The following PPP6R2 variants were observed in gnomAD, a reference collection of about 807,000 sequenced individuals.
PPP6R2 encodes protein phosphatase 6 regulatory subunit 2, also known as serine/threonine-protein phosphatase 6 regulatory subunit 2.
A neutral mutation model predicts 100.2 loss-of-function variants in PPP6R2; 62 were observed. That is an observed-to-expected ratio of 0.62 (90% CI 0.50 to 0.76). The LOEUF (loss-of-function observed/expected upper bound fraction) is 0.76. PPP6R2 is among the 30% of genes least tolerant of loss of function. The probability of loss-of-function intolerance (pLI) is 0.00; values close to 1 mark genes in which losing one functional copy is unlikely to be tolerated. For missense variants in PPP6R2, 1,142 were observed against 1,276.3 expected (o/e 0.89, Z 1.60); for synonymous variants, 525 against 514.7 (o/e 1.02, Z -0.27).
At chr22:50,373,259 T>TG (rs2050690049) in intron 2 of PPP6R2, among the ~76,000 whole-genome samples, 1 of 148,804 alleles carries the variant, frequency 6.7e-6, no homozygotes, top group African/African-American at 2.5e-5. Context: ...TTTTTTTTTT[T>TG]GAGACAGAGT....
At chr22:50,435,186 C>T in intron 13 of PPP6R2, 105 bp downstream of exon 13, 1 of 936,984 alleles carries the variant, frequency 1.1e-6, no homozygotes. Flanking sequence ...GCTGACTGCA[C>T]TGACAGTGAG....
At chr22:50,340,548 CGTGT>C (rs2042361562), upstream of PPP6R2, among the ~76,000 whole-genome samples, 1 of 68,676 alleles carries the variant, frequency 1.5e-5, no homozygotes, top group African/African-American at 6.2e-5. Flanking sequence ...GTGTGTGTCG[CGTGT>C]GTGTGGTATG....
intron 1 of PPP6R2, among the ~76,000 whole-genome samples, chr22:50,369,170 G>A (rs576174171): frequency 1.3e-4 from 20 of 151,908 alleles, no homozygotes; most frequent in South Asian, 4.2e-4. Flanking sequence ...CCTAGGAGGC[G>A]GAGGTTGTGG....
chr22:50,390,573 C>T (rs529126246), intron 2 of PPP6R2, among the ~76,000 whole-genome samples: 5 of 152,134 alleles, frequency 3.3e-5, no homozygotes, highest in African/African-American at 7.2e-5. Flanking sequence ...GCAGGAGAAT[C>T]GCTTGAACTC....
chr22:50,356,129 A>AT (rs1260069890), intron 1 of PPP6R2, among the ~76,000 whole-genome samples: 1 of 146,942 alleles, frequency 6.8e-6, no homozygotes, highest in Non-Finnish European at 1.5e-5. Flanking sequence ...CGCCCGGCTA[A>AT]TTTTTTCTAT....
At chr22:50,340,117 T>G (rs1332686976), upstream of PPP6R2, among the ~76,000 whole-genome samples, 3 of 139,680 alleles carry the variant, frequency 2.1e-5, no homozygotes, top group Non-Finnish European at 1.6e-5. Flanking sequence ...ATGTGGTGTG[T>G]GTACAGTGTG....
chr22:50,339,075 TA>T (rs2042338286), upstream of PPP6R2, among the ~76,000 whole-genome samples: 1 of 128,098 alleles, frequency 7.8e-6, no homozygotes, highest in African/African-American at 3.2e-5. Flanking sequence ...GTGTATGTGG[TA>T]TGTGGTGTGT....
chr22:50,418,103 T>A (rs1033032781), intron 6 of PPP6R2, among the ~76,000 whole-genome samples: 2 of 152,234 alleles, frequency 1.3e-5, no homozygotes, highest in African/African-American at 4.8e-5. Context: ...TAATAGCAGC[T>A]ACTTATTACC....
At chr22:50,352,736 A>C (rs1569261043) in intron 1 of PPP6R2, among the ~76,000 whole-genome samples, 1 of 118,184 alleles carries the variant, frequency 8.5e-6, no homozygotes, top group Non-Finnish European at 1.8e-5. Flanking sequence ...AACAAAAACA[A>C]AAACAAAAAA....
chr22:50,427,564 T>C (rs1016212149), intron 10 of PPP6R2, among the ~76,000 whole-genome samples: 3 of 152,194 alleles, frequency 2.0e-5, no homozygotes, highest in African/African-American at 7.2e-5. Context: ...TATTTATTTC[T>C]ATTTTTGAGA....
At position 50,443,731 on chromosome 22, in the gene PPP6R2, G is replaced by A. The variant is rs374459862; in HGVS notation, c.2580-135G>A. 7.6e-5 allele frequency: 98 copies of A among 1,282,452 alleles called. 2 individuals carry two copies. Among genetic ancestry groups the A allele is most frequent in the South Asian group, 3.2e-4 (22 of 68,630 alleles). 79.4% of individuals were successfully genotyped at this position (1,282,452 alleles called of 1,614,324 possible). ...GGCACAACCTGGGCCACCCCACAAA[G>A]GGCAGGAGTGAGAGGGGCCAAAGAT... On this transcript the variant is annotated intron_variant, in intron 22 of 23. Coordinates refer to ENST00000612753, the MANE Select transcript of PPP6R2 (RefSeq NM_001242898.2).
At chr22:50,369,310 C>A (rs2049467346) in intron 1 of PPP6R2, among the ~76,000 whole-genome samples, 1 of 151,646 alleles carries the variant, frequency 6.6e-6, no homozygotes, top group Admixed American at 6.6e-5. Flanking sequence ...GGCTGAAAGC[C>A]TATTTTGAGT....
At chr22:50,416,705 G>A (rs983755337) in intron 6 of PPP6R2, among the ~76,000 whole-genome samples, 3 of 151,854 alleles carry the variant, frequency 2.0e-5, no homozygotes, top group Non-Finnish European at 4.4e-5. Context: ...GCTCATGCCT[G>A]TAATCCCAGC....
At position 50,385,015 on chromosome 22, in the gene PPP6R2, C is replaced by T. The variant is rs75091994; in HGVS notation, c.-16-8878C>T. On this transcript the variant is annotated intron_variant, in intron 2 of 23. Coordinates refer to ENST00000612753, the MANE Select transcript of PPP6R2 (RefSeq NM_001242898.2). ...CTCCTGCCTTTAGCCTTCCATAGTT[C>T]TGGGATCACAGGCCTGAGCTACTGT... Among the ~76,000 whole-genome samples the T allele has an allele frequency of 6.3e-3, 961 of 152,176 alleles. 5 individuals are homozygous for T. The highest frequency in any genetic ancestry group is 0.028 in the South Asian group (133 of 4,820).
At chr22:50,349,815 TAAA>T (rs1285843500) in intron 1 of PPP6R2, among the ~76,000 whole-genome samples, 1 of 115,444 alleles carries the variant, frequency 8.7e-6, no homozygotes, top group Admixed American at 9.2e-5. Context: ...AACTCCATCT[TAAA>T]AAAAAAAAAA....
intron 1 of PPP6R2, among the ~76,000 whole-genome samples, chr22:50,361,709 T>C (rs1015978559): frequency 1.3e-5 from 2 of 152,136 alleles, no homozygotes; most frequent in Non-Finnish European, 2.9e-5. Context: ...GCCCTGCTCG[T>C]CTGCCTTTGA....
chr22:50,399,710 C>A (rs767868841), intron 3 of PPP6R2, among the ~76,000 whole-genome samples: 4 of 152,280 alleles, frequency 2.6e-5, no homozygotes, highest in Non-Finnish European at 5.9e-5. Context: ...GTGAGGCCCA[C>A]ACGCTGCCTC....
chr22:50,368,900 T>C (rs2049344061), intron 1 of PPP6R2, among the ~76,000 whole-genome samples: 1 of 152,164 alleles, frequency 6.6e-6, no homozygotes, highest in African/African-American at 2.4e-5. Flanking sequence ...AGATGCATGC[T>C]ACAAAATCAT....
rs1302590257 is a variant in PPP6R2 at position 50,431,663 on chromosome 22, G to C, written c.1335+281G>C. 6.6e-6 allele frequency among the ~76,000 whole-genome samples: 1 copy of C among 152,288 alleles called. No individual in the cohort carries two copies. The highest frequency in any genetic ancestry group is 2.4e-5 in the African/African-American group (1 of 41,558). On this transcript the variant is annotated intron_variant, in intron 11 of 23. Coordinates refer to ENST00000612753, the MANE Select transcript of PPP6R2 (RefSeq NM_001242898.2). The surrounding 1 kb of genome is among the most constrained non-coding windows in gnomAD (Gnocchi z 4.8). ...TGAGATGAGTTCAGTCTGGCCTCCA[G>C]CTGGAGGCCCAGGGAATAAATGCCC...
Sources: allele counts gnomAD v4.1 joint callset (sites outside exome capture counted in the v4.1 genomes callset), GRCh38; gene constraint gnomAD v4.1.1; non-coding constraint Gnocchi (gnomAD v3.1); transcripts MANE v1.5; gene names NCBI Gene and HGNC (gene_info 2026-07-23, HGNC 2026-07-21).